The following ADGB variants were observed in gnomAD, a reference collection of about 807,000 sequenced individuals.
ADGB encodes the protein androglobin, also known as calpain-7-like protein.
In ADGB, 172 loss-of-function variants were observed where a neutral mutation model predicts 210.5. The observed-to-expected ratio is 0.82, with a 90% confidence interval of 0.72 to 0.93. The LOEUF (loss-of-function observed/expected upper bound fraction) is 0.93. ADGB is among the 40% of genes least tolerant of loss of function. The pLI is 0.00. For synonymous variants in ADGB, 658 were observed against 662.7 expected (o/e 0.99, Z 0.11); for missense variants, 2,025 against 1,964.8 (o/e 1.03, Z -0.58).
chr6:146,811,065 T>C (rs1372466235), intron 35 of ADGB, among the ~76,000 whole-genome samples: 1 of 152,232 alleles, frequency 6.6e-6, no homozygotes, highest in Non-Finnish European at 1.5e-5. Flanking sequence ...GTATATGTAA[T>C]GTTACTTAAT....
At chr6:146,606,212 CTGTT>C (rs1430825142) in intron 1 of ADGB, among the ~76,000 whole-genome samples, 2 of 151,768 alleles carry the variant, frequency 1.3e-5, no homozygotes, top group African/African-American at 2.4e-5. Flanking sequence ...TGTTGGCTGT[CTGTT>C]TATGTCCTTT....
chr6:146,761,202 TAA>T (rs565002257), intron 27 of ADGB, among the ~76,000 whole-genome samples: 160 of 152,146 alleles, frequency 1.1e-3, no homozygotes, highest in African/African-American at 3.8e-3. Flanking sequence ...TGTTTTATTC[TAA>T]AAGTTTTATA....
At chr6:146,775,812 T>C (rs1442335291) in intron 29 of ADGB, among the ~76,000 whole-genome samples, 4 of 151,798 alleles carry the variant, frequency 2.6e-5, no homozygotes, top group Non-Finnish European at 5.9e-5. Flanking sequence ...ATACATGTTA[T>C]ATGTATATTA....
chr6:146,704,680 T>A (rs960463543), intron 13 of ADGB, among the ~76,000 whole-genome samples: 2 of 152,134 alleles, frequency 1.3e-5, no homozygotes, highest in African/African-American at 4.8e-5. Flanking sequence ...TTTGGGTTAC[T>A]ATAGCTTTGT....
chr6:146,653,674 A>G (rs2114882014), intron 3 of ADGB, among the ~76,000 whole-genome samples: 1 of 152,194 alleles, frequency 6.6e-6, no homozygotes, highest in Middle Eastern at 3.4e-3. Flanking sequence ...AATAATCTGT[A>G]CAACAAACCC....
intron 1 of ADGB, among the ~76,000 whole-genome samples, chr6:146,612,268 A>G (rs190456729): frequency 9.2e-5 from 14 of 152,172 alleles, no homozygotes; most frequent in African/African-American, 3.1e-4. Flanking sequence ...TAAGATTACT[A>G]AATTAACATC....
chr6:146,740,425 G>T, intron 23 of ADGB, 34 bp from the exon 24 acceptor site: 1 of 1,477,666 alleles, frequency 6.8e-7, no homozygotes, highest in Non-Finnish European at 9.1e-7. Flanking sequence ...AGTGGCTTTT[G>T]CCATTGATAC....
At chr6:146,807,373 T>TAAGG in intron 35 of ADGB, 1 of 1,546,678 alleles carries the variant, frequency 6.5e-7, no homozygotes, top group Middle Eastern at 1.7e-4. Flanking sequence ...CCAGTGGAAT[T>TAAGG]ATTTGTTTGG....
At chr6:146,786,438 T>C (rs1777875615) in intron 32 of ADGB, among the ~76,000 whole-genome samples, 1 of 152,058 alleles carries the variant, frequency 6.6e-6, no homozygotes, top group Non-Finnish European at 1.5e-5. Context: ...TTTTGTATAT[T>C]CAGGAATGTA....
Position 146,664,185 on chromosome 6 carries a change from T to C in ADGB, c.613-16T>C. Reference sequence around the variant, plus strand: ...AAGCCATTGATGGTATTACATTTCTTTCATCTTATTTTTAGGGTTGCTGGA... The same window carrying C: ...AAGCCATTGATGGTATTACATTTCTCTCATCTTATTTTTAGGGTTGCTGGA... On this transcript the variant is annotated splice_polypyrimidine_tract_variant and intron_variant, in intron 5 of 35. Coordinates refer to ENST00000397944, the MANE Select transcript of ADGB (RefSeq NM_024694.4). 1 of 1,539,236 alleles carries C rather than the reference T, an allele frequency of 6.5e-7. No individual in the cohort carries two copies. Among genetic ancestry groups the C allele is most frequent in the Non-Finnish European group, 8.8e-7 (1 of 1,140,902 alleles).
intron 16 of ADGB, among the ~76,000 whole-genome samples, chr6:146,720,900 A>G (rs1776802880): frequency 6.6e-6 from 1 of 152,210 alleles, no homozygotes; most frequent in Admixed American, 6.5e-5. Flanking sequence ...TTGGGTGGAA[A>G]CACAGAGCCA....
At chr6:146,648,350 C>T (rs924985030) in intron 3 of ADGB, among the ~76,000 whole-genome samples, 1 of 152,082 alleles carries the variant, frequency 6.6e-6, no homozygotes, top group African/African-American at 2.4e-5. Flanking sequence ...CTGTGTTCAG[C>T]CACTGTATTA....
At chr6:146,638,247 T>G (rs1775454125) in intron 2 of ADGB, among the ~76,000 whole-genome samples, 1 of 152,056 alleles carries the variant, frequency 6.6e-6, no homozygotes, top group Non-Finnish European at 1.5e-5. Context: ...AGCATTCATT[T>G]AATTTTACAT....
chr6:146,630,748 C>G (rs1345836259), intron 1 of ADGB, among the ~76,000 whole-genome samples: 1 of 152,096 alleles, frequency 6.6e-6, no homozygotes, highest in Non-Finnish European at 1.5e-5. Flanking sequence ...GGTGAAAATA[C>G]GGCTTTCCAA....
At chr6:146,696,202 A>G (rs1776400398) in intron 12 of ADGB, among the ~76,000 whole-genome samples, 1 of 151,898 alleles carries the variant, frequency 6.6e-6, no homozygotes, top group Non-Finnish European at 1.5e-5. Context: ...CAGCCTCCCA[A>G]GTAGCTGGGA....
intron 13 of ADGB, among the ~76,000 whole-genome samples, chr6:146,709,393 T>C (rs990893932): frequency 2.0e-5 from 3 of 152,220 alleles, no homozygotes; most frequent in African/African-American, 4.8e-5. Flanking sequence ...AGTCAGATCA[T>C]CTAGAGATTC....
chr6:146,778,415 AG>A (rs1777753216), intron 29 of ADGB, among the ~76,000 whole-genome samples: 1 of 152,182 alleles, frequency 6.6e-6, no homozygotes, highest in African/African-American at 2.4e-5. Flanking sequence ...GTAGGAGAAA[AG>A]GTGTCCTCTG....
chr6:146,630,381 G>A (rs543921859), intron 1 of ADGB, among the ~76,000 whole-genome samples: 29 of 152,074 alleles, frequency 1.9e-4, no homozygotes, highest in African/African-American at 6.5e-4. Context: ...AAATAGTAAG[G>A]CCATAAAAAA....
At chr6:146,701,188 A>G (rs1776484671) in intron 13 of ADGB, 118 bp downstream of exon 13, 3 of 1,147,946 alleles carry the variant, frequency 2.6e-6, no homozygotes, top group African/African-American at 3.2e-5. Flanking sequence ...AACAGTATAA[A>G]GAATAGTGTT....
Sources: gnomAD v4.1 joint callset for allele counts (sites outside exome capture counted in the v4.1 genomes callset) on GRCh38, gnomAD v4.1.1 for gene constraint, MANE v1.5 for transcripts, NCBI Gene and HGNC (gene_info 2026-07-23, HGNC 2026-07-21) for gene names.